Variants in FBN1 observed in about 807,000 individuals in gnomAD.
FBN1 encodes fibrillin 1, also known as fibrillin-1.
In FBN1, 29 loss-of-function variants were observed where a neutral mutation model predicts 365.1. The ratio of observed to expected loss-of-function variants is 0.08; its 90% CI spans 0.06 to 0.11. The LOEUF is 0.11. FBN1 is among the 10% of genes least tolerant of loss of function. The probability of loss-of-function intolerance (pLI) is 1.00; values close to 1 mark genes in which losing one functional copy is unlikely to be tolerated. For synonymous variants in FBN1, 1,210 were observed against 1,270.5 expected (o/e 0.95, Z 1.01); for missense variants, 2,476 against 3,703.2 (o/e 0.67, Z 8.60).
chr15:48,602,415 G>A (rs934075206), intron 4 of FBN1, among the ~76,000 whole-genome samples: 1 of 152,140 alleles, frequency 6.6e-6, no homozygotes, highest in African/African-American at 2.4e-5. Flanking sequence ...AGTGCCTAGA[G>A]TAGCACCTTG....
chr15:48,543,143 CAA>C (rs879315716), intron 6 of FBN1, among the ~76,000 whole-genome samples: 20 of 152,288 alleles, frequency 1.3e-4, no homozygotes, highest in Admixed American at 1.3e-3. Flanking sequence ...ACAACAAAGT[CAA>C]AATTTAGGAA....
chr15:48,490,348 C>A (rs1323681602), intron 24 of FBN1, among the ~76,000 whole-genome samples: 1 of 152,180 alleles, frequency 6.6e-6, no homozygotes, highest in Non-Finnish European at 1.5e-5. Context: ...GAATGGTATT[C>A]TGAGAGATCC....
chr15:48,494,124 G>C, intron 23 of FBN1, 80 bp downstream of exon 23: 3 of 1,121,236 alleles, frequency 2.7e-6, no homozygotes, highest in Non-Finnish European at 2.7e-6. Context: ...GAAGTTATAT[G>C]ACAGCTTTAT....
intron 42 of FBN1, among the ~76,000 whole-genome samples, chr15:48,462,604 T>C (rs1436742604): frequency 6.6e-6 from 1 of 152,206 alleles, no homozygotes; most frequent in Non-Finnish European, 1.5e-5. Context: ...GTATTAGTCC[T>C]GCTCCTGGCT....
intron 6 of FBN1, among the ~76,000 whole-genome samples, chr15:48,573,162 T>C (rs1486538626): frequency 6.6e-6 from 1 of 152,224 alleles, no homozygotes; most frequent in Non-Finnish European, 1.5e-5. Context: ...AAGAAATCTT[T>C]CTTTGAGATC....
chr15:48,549,858 T>C (rs941883262), intron 6 of FBN1, among the ~76,000 whole-genome samples: 1 of 152,156 alleles, frequency 6.6e-6, no homozygotes, highest in African/African-American at 2.4e-5. Context: ...ACTCCAGTTC[T>C]CCCCTTCCTT....
At chr15:48,485,275 G>A in intron 30 of FBN1, 99 bp downstream of exon 30, 1 of 1,465,134 alleles carries the variant, frequency 6.8e-7, no homozygotes, top group Non-Finnish European at 9.6e-7. Context: ...GACAAACAAG[G>A]GTTTGGACTC....
chr15:48,610,327 A>ATT (rs749351200), intron 4 of FBN1, among the ~76,000 whole-genome samples: 15 of 152,344 alleles, frequency 9.8e-5, no homozygotes, highest in Non-Finnish European at 1.8e-4. Flanking sequence ...TGAGTCTTAA[A>ATT]TAAGTTTTTA....
At chr15:48,460,572 T>C (rs1370813712) in intron 42 of FBN1, among the ~76,000 whole-genome samples, 3 of 152,214 alleles carry the variant, frequency 2.0e-5, no homozygotes, top group Non-Finnish European at 4.4e-5. Flanking sequence ...TGCCACTCAT[T>C]CACATGAGTT....
At position 48,408,858 on chromosome 15, in the gene FBN1, C is replaced by T. The variant is rs780440382; in HGVS notation, c.*2132G>A. The T allele has an allele frequency of 3.9e-5, 6 of 152,518 alleles. No homozygotes were observed. The highest frequency in any genetic ancestry group is 1.3e-4 in the Admixed American group (2 of 15,274). 9.4% of individuals were successfully genotyped at this position (152,518 alleles called of 1,614,324 possible). A position where few individuals can be genotyped will look rare whatever the true frequency, so the allele number is the denominator to read the frequency against. The stretch of plus-strand genomic sequence containing the variant: ...CCTGTTGTTTGTTATAAAGAAAATC[C>T]GTTATTGAATATAATGCAGTTCTGG... On this transcript the variant is annotated 3_prime_UTR_variant, in exon 66 of 66. Coordinates refer to ENST00000316623, the MANE Select transcript of FBN1 (RefSeq NM_000138.5).
At chr15:48,456,544 G>A in intron 44 of FBN1, 93 bp downstream of exon 44, 1 of 1,273,016 alleles carries the variant, frequency 7.9e-7, no homozygotes, top group Non-Finnish European at 1.1e-6. Context: ...ATGCATTTCT[G>A]AAATTTCAAT....
rs2044669666 is a variant in FBN1, at chr15:48,613,087, T to C, written c.170A>G (p.Asn57Ser). 1.9e-6 allele frequency: 3 copies of C among 1,612,180 alleles called. No individual in the cohort carries two copies. The highest frequency in any genetic ancestry group is 2.5e-6 in the Non-Finnish European group (3 of 1,178,760). Residue 57 changes from asparagine to serine, a missense_variant, in exon 3 of 66, where the codon AAT (asparagine) becomes AGT (serine). Physicochemically the swap from Asn to Ser is conservative, Grantham distance 46 (BLOSUM62 1). Coordinates refer to ENST00000316623, the MANE Select transcript of FBN1 (RefSeq NM_000138.5). ...AGCATTATAACGTGATCCACAGACATTGGGTCTAAAACAAAAACAGAAGAA... is the reference window on the plus strand; with the variant it reads ...AGCATTATAACGTGATCCACAGACACTGGGTCTAAAACAAAAACAGAAGAA... The part of the protein sequence containing the change: ...GGGHDALKGP[N>S]VCGSRYNAYC...
Position 48,578,454 on chromosome 15 carries a change from G to A in FBN1, c.538+17829C>T, listed in dbSNP as rs112535970. ...CTCCTAGGCGTGTGCTCTCCAAAGC[G>A]CATCCTATAATTTATTTTTAAGTGA... is the stretch of plus-strand genomic sequence containing the variant. On this transcript the variant is annotated intron_variant, in intron 6 of 65. Transcript: ENST00000316623. Among the ~76,000 whole-genome samples the A allele has an allele frequency of 6.1e-3, 934 of 152,266 alleles. 9 individuals are homozygous for A. The highest frequency in any genetic ancestry group is 0.022 in the African/African-American group (908 of 41,536).
chr15:48,639,426 G>A (rs1231275932), intron 2 of FBN1, among the ~76,000 whole-genome samples: 1 of 152,110 alleles, frequency 6.6e-6, no homozygotes, highest in Non-Finnish European at 1.5e-5. Context: ...TATTTGTTTA[G>A]ACTTAATACC....
chr15:48,474,455 T>C, intron 33 of FBN1, 73 bp downstream of exon 33: 1 of 1,612,106 alleles, frequency 6.2e-7, no homozygotes, highest in Middle Eastern at 1.7e-4. Flanking sequence ...AAAATAACTT[T>C]ACATAATTAA....
At chr15:48,603,692 C>A (rs1186003697) in intron 4 of FBN1, among the ~76,000 whole-genome samples, 1 of 152,134 alleles carries the variant, frequency 6.6e-6, no homozygotes, top group African/African-American at 2.4e-5. Flanking sequence ...ATGCTGTATT[C>A]TTTACTGGAT....
At chr15:48,455,325 G>A (rs1047091327) in intron 44 of FBN1, among the ~76,000 whole-genome samples, 5 of 152,170 alleles carry the variant, frequency 3.3e-5, no homozygotes, top group African/African-American at 9.7e-5. Context: ...AGTTGACTTG[G>A]TGGTCATGGG....
chr15:48,532,064 G>A (rs2043977811), intron 8 of FBN1, among the ~76,000 whole-genome samples: 2 of 152,118 alleles, frequency 1.3e-5, no homozygotes, highest in African/African-American at 4.8e-5. Context: ...ACCATAATAG[G>A]TTTCTTAGCA....
Position 48,488,376 on chromosome 15 carries a change from T to C in FBN1, c.3200A>G (p.Asn1067Ser). 1 of 1,614,220 alleles carries C rather than the reference T, an allele frequency of 6.2e-7. No individual in the cohort carries two copies. Among genetic ancestry groups the C allele is most frequent in the Non-Finnish European group, 8.5e-7 (1 of 1,180,034 alleles). ...AAGGCTCATTAACTGACCTGTGCAG[T>C]TCCTTTCTTCAGAATCAAGAGCAAA... is the stretch of plus-strand genomic sequence containing the variant. ...SGFALDSEER[N>S]CTDIDECRIS... is the part of the protein sequence containing the mutation. Residue 1067 changes from asparagine (N) to serine (S), a missense_variant, in exon 26 of 66, where the codon AAC becomes AGC. Asn to Ser is a conservative substitution (Grantham distance 46). Around this residue, in one of 5 missense-constraint regions of FBN1, gnomAD observed 1,780 missense variants for 2,840.8 expected, o/e 0.63. Transcript: ENST00000316623.
Sources: allele counts gnomAD v4.1 joint callset (sites outside exome capture counted in the v4.1 genomes callset), GRCh38; gene constraint gnomAD v4.1.1; regional missense constraint gnomAD v4.1.1; transcripts MANE v1.5; gene names NCBI Gene and HGNC (gene_info 2026-07-23, HGNC 2026-07-21).